TFB1M: variants seen among roughly 807,000 people sequenced by gnomAD.
TFB1M encodes the protein dimethyladenosine transferase 1, mitochondrial.
Under a neutral mutation model 31.1 loss-of-function variants are expected in TFB1M, and 27 were observed. That is an observed-to-expected ratio of 0.87 (90% confidence interval 0.64 to 1.20). TFB1M has a LOEUF of 1.20. Ranked by LOEUF, TFB1M falls within the 50% of genes most tolerant of loss-of-function variation. The pLI is 0.00. For synonymous variants in TFB1M, 166 were observed against 151.8 expected, an observed-to-expected ratio of 1.09 and a Z score of -0.69; for missense variants, 394 against 418.7, an observed-to-expected ratio of 0.94 and a Z score of 0.51.
chr6:155,288,743 C>T (rs1345171789), intron 4 of TFB1M, among the ~76,000 whole-genome samples: 1 of 152,196 alleles, frequency 6.6e-6, no homozygotes, highest in African/African-American at 2.4e-5. Flanking sequence ...AAGCAGCACA[C>T]ATAGCTGTCC....
chr6:155,304,251 C>T (rs560149135), intron 2 of TFB1M, among the ~76,000 whole-genome samples: 30 of 152,228 alleles, frequency 2.0e-4, no homozygotes, highest in African/African-American at 6.7e-4. Context: ...CACTGCACTC[C>T]AGCCTGGGCA....
At chr6:155,258,122 C>CTT (rs771678442) in intron 6 of TFB1M, 40 bp from the exon 7 acceptor site, 27 of 1,610,624 alleles carry the variant, frequency 1.7e-5, no homozygotes, top group Middle Eastern at 3.3e-4. Flanking sequence ...AAGAATTTTA[C>CTT]TTAAATTCTG....
chr6:155,277,549 C>T (rs936171045), intron 5 of TFB1M, among the ~76,000 whole-genome samples: 1 of 152,110 alleles, frequency 6.6e-6, no homozygotes, highest in African/African-American at 2.4e-5. Flanking sequence ...ATATATTTTA[C>T]GTAAGTAAAT....
intron 5 of TFB1M, among the ~76,000 whole-genome samples, chr6:155,273,549 G>A (rs1280689424): frequency 6.6e-6 from 1 of 152,188 alleles, no homozygotes; most frequent in Non-Finnish European, 1.5e-5. Context: ...ATCCTCTACA[G>A]TCCTTTTTTT....
the TFB1M span, chr6:155,247,883 A>C: frequency 7.6e-7 from 1 of 1,320,376 alleles, no homozygotes; most frequent in Non-Finnish European, 1.0e-6. Flanking sequence ...GGTTTTCATT[A>C]AAGAATGGCA....
At chr6:155,260,236 A>C in intron 6 of TFB1M, 37 bp downstream of exon 6, 1 of 1,612,526 alleles carries the variant, frequency 6.2e-7, no homozygotes. Flanking sequence ...AGGATTTTAT[A>C]AAGACTGCAA....
At chr6:155,249,797 T>C in the TFB1M span, 2 of 1,462,120 alleles carry the variant, frequency 1.4e-6, no homozygotes, top group Non-Finnish European at 1.9e-6. Context: ...TACTGTTGGA[T>C]AGAATCTAAA....
At chr6:155,314,054 T>G (rs2114826898) in intron 1 of TFB1M, 1 of 1,389,530 alleles carries the variant, frequency 7.2e-7, no homozygotes, top group Non-Finnish European at 9.4e-7. Context: ...AGCTTGGCAT[T>G]TATGCAGCCT....
At chr6:155,234,428 C>G in the TFB1M span, among the ~76,000 whole-genome samples, 1 of 152,238 alleles carries the variant, frequency 6.6e-6, no homozygotes, top group Non-Finnish European at 1.5e-5. Flanking sequence ...GCCACCACAG[C>G]CAGCTAATCT....
At chr6:155,269,326 T>TTC (rs1784818695) in intron 5 of TFB1M, among the ~76,000 whole-genome samples, 1 of 144,606 alleles carries the variant, frequency 6.9e-6, no homozygotes, top group Non-Finnish European at 1.5e-5. Context: ...TTTCTTTTCT[T>TTC]TTTTTTTTTT....
downstream of TFB1M, chr6:155,253,469 T>A: frequency 5.5e-6 from 1 of 181,912 alleles, no homozygotes; most frequent in Non-Finnish European, 1.1e-5. Flanking sequence ...TGTTCAGAGA[T>A]CCTTCCAGAG....
chr6:155,250,293 T>C, the TFB1M span, among the ~76,000 whole-genome samples: 1 of 57,148 alleles, frequency 1.7e-5, no homozygotes, highest in African/African-American at 5.5e-5. Flanking sequence ...GATTTTGCCT[T>C]TTTTTTTTTT....
the TFB1M span, chr6:155,244,897 A>C: frequency 7.7e-7 from 1 of 1,296,044 alleles, no homozygotes. Context: ...TTGACTATTT[A>C]TTGTCCTGTG....
At chr6:155,276,054 A>G (rs1785188116) in intron 5 of TFB1M, 1 of 1,614,186 alleles carries the variant, frequency 6.2e-7, no homozygotes, top group Non-Finnish European at 8.5e-7. Flanking sequence ...GGGGACAGAG[A>G]AACCAAGAGC....
At chr6:155,309,975 T>C (rs1582887778) in intron 2 of TFB1M, among the ~76,000 whole-genome samples, 1 of 152,078 alleles carries the variant, frequency 6.6e-6, no homozygotes, top group Non-Finnish European at 1.5e-5. Context: ...TAAAAGGAAA[T>C]ATTATGTAAT....
intron 4 of TFB1M, among the ~76,000 whole-genome samples, chr6:155,295,496 G>A (rs1315995924): frequency 6.6e-6 from 1 of 152,214 alleles, no homozygotes; most frequent in Non-Finnish European, 1.5e-5. Context: ...GAAAGGAGAT[G>A]CAATCAGAGT....
At chr6:155,297,651 A>T (rs1006269116) in intron 3 of TFB1M, among the ~76,000 whole-genome samples, 12 of 152,210 alleles carry the variant, frequency 7.9e-5, no homozygotes, top group Non-Finnish European at 1.6e-4. Context: ...AAAGTTCACA[A>T]ATGTAAAAGG....
chr6:155,279,991 A>C (rs9371880), intron 5 of TFB1M, among the ~76,000 whole-genome samples: 19,515 of 152,162 alleles, frequency 0.13, 1,534 homozygotes, highest in Non-Finnish European at 0.19. Flanking sequence ...GCTTTAAAAA[A>C]GAATTTGAGG....
At chr6:155,301,119 A>T (rs1456466500) in intron 2 of TFB1M, among the ~76,000 whole-genome samples, 1 of 152,120 alleles carries the variant, frequency 6.6e-6, no homozygotes, top group East Asian at 1.9e-4. Flanking sequence ...TCCTAGGTTT[A>T]AAACTACATT....
Sources: allele counts gnomAD v4.1 joint callset (sites outside exome capture counted in the v4.1 genomes callset), GRCh38; gene constraint gnomAD v4.1.1; transcripts MANE v1.5; gene names NCBI Gene and HGNC (gene_info 2026-07-23, HGNC 2026-07-21).